Variants in NPAS3 observed in about 807,000 individuals in gnomAD.
NPAS3 encodes neuronal PAS domain protein 3, also known as neuronal PAS domain-containing protein 3.
A neutral mutation model predicts 73.1 loss-of-function variants in NPAS3; 14 were observed. The ratio of observed to expected loss-of-function variants is 0.19; its 90% CI spans 0.13 to 0.30. The LOEUF (loss-of-function observed/expected upper bound fraction) is 0.30, where lower values mean the gene tolerates loss of function less well. Among genes scored for constraint, NPAS3 ranks in the 10% least tolerant of loss-of-function variants. The pLI, the probability that NPAS3 is intolerant of heterozygous loss-of-function variation, is 1.00. For synonymous variants in NPAS3, 620 were observed against 541.5 expected, an observed-to-expected ratio of 1.14 and a Z score of -2.01; for missense variants, 1,096 against 1,250.0, an observed-to-expected ratio of 0.88 and a Z score of 1.86.
intron 5 of NPAS3, among the ~76,000 whole-genome samples, chr14:33,652,893 TTTC>T (rs2059038478): frequency 9.0e-6 from 1 of 111,466 alleles, no homozygotes; most frequent in East Asian, 3.4e-4. Context: ...TTCACCCCCA[TTTC>T]TCACCCCCGT....
chr14:33,779,825 A>C (rs2062925403), intron 9 of NPAS3, among the ~76,000 whole-genome samples: 1 of 152,240 alleles, frequency 6.6e-6, no homozygotes, highest in African/African-American at 2.4e-5. Context: ...ATCATTAAAC[A>C]ACACACGGCT....
intron 2 of NPAS3, among the ~76,000 whole-genome samples, chr14:33,109,299 C>A (rs1473819466): frequency 1.3e-5 from 2 of 152,102 alleles, no homozygotes; most frequent in Non-Finnish European, 2.9e-5. Context: ...AGTTTTCTCA[C>A]CTGTAAAATG....
chr14:33,266,933 T>G (rs1037395315), intron 3 of NPAS3, among the ~76,000 whole-genome samples: 1 of 152,168 alleles, frequency 6.6e-6, no homozygotes, highest in African/African-American at 2.4e-5. Flanking sequence ...CCTTAAAAAA[T>G]TCTCTCTCAT....
intron 3 of NPAS3, among the ~76,000 whole-genome samples, chr14:33,242,669 A>T (rs2048249756): frequency 6.6e-6 from 1 of 152,024 alleles, no homozygotes; most frequent in African/African-American, 2.4e-5. Flanking sequence ...AGATTTGGGT[A>T]TTATTATTTT....
chr14:33,011,922 T>C (rs769346035), intron 1 of NPAS3, among the ~76,000 whole-genome samples: 7 of 152,174 alleles, frequency 4.6e-5, no homozygotes, highest in Non-Finnish European at 1.0e-4. Flanking sequence ...CTTTTTTTTA[T>C]ACCTCACAAA....
intron 3 of NPAS3, among the ~76,000 whole-genome samples, chr14:33,353,629 G>T (rs10483436): frequency 0.044 from 6,627 of 152,262 alleles, 465 homozygotes; most frequent in African/African-American, 0.15. Context: ...TAGCATATTG[G>T]TATCTTTGTA....
At chr14:33,743,286 A>G (rs999192986) in intron 7 of NPAS3, among the ~76,000 whole-genome samples, 10 of 152,228 alleles carry the variant, frequency 6.6e-5, no homozygotes, top group Non-Finnish European at 1.3e-4. Flanking sequence ...GGGTTGCAGT[A>G]TGGATATTGT....
intron 3 of NPAS3, among the ~76,000 whole-genome samples, chr14:33,301,586 A>G (rs745679774): frequency 4.6e-5 from 7 of 152,042 alleles, no homozygotes; most frequent in Non-Finnish European, 7.4e-5. Context: ...CTGGAATGTT[A>G]AAATGACATT....
At chr14:33,122,935 A>T (rs2043284196) in intron 2 of NPAS3, among the ~76,000 whole-genome samples, 1 of 152,140 alleles carries the variant, frequency 6.6e-6, no homozygotes, top group Non-Finnish European at 1.5e-5. Context: ...AAAGGTTTTC[A>T]GTTAAGTCGA....
At chr14:32,957,772 C>A (rs2036739014) in intron 1 of NPAS3, among the ~76,000 whole-genome samples, 1 of 152,188 alleles carries the variant, frequency 6.6e-6, no homozygotes, top group African/African-American at 2.4e-5. Context: ...CAGAGTTACT[C>A]CCTTATCCTT....
intron 4 of NPAS3, among the ~76,000 whole-genome samples, chr14:33,496,375 G>C (rs945713353): frequency 1.3e-5 from 2 of 151,978 alleles, no homozygotes; most frequent in Non-Finnish European, 2.9e-5. Flanking sequence ...TGATACCAAA[G>C]CCTGGCAGAG....
intron 3 of NPAS3, among the ~76,000 whole-genome samples, chr14:33,343,953 A>G (rs1046626992): frequency 6.6e-4 from 101 of 152,258 alleles, no homozygotes; most frequent in African/African-American, 2.3e-3. Context: ...TCCTTACCCA[A>G]TAGCTTTTAA....
rs2048266825 is a variant in NPAS3 at position 33,243,223 on chromosome 14, A to T, written c.385+27797A>T. Reference sequence around the variant, plus strand: ...AGGATAAAAATAAATGAATAACTTTATAATGGAAGCAGAAAAGCCTCATCA... The same window carrying T: ...AGGATAAAAATAAATGAATAACTTTTTAATGGAAGCAGAAAAGCCTCATCA... On this transcript the variant is annotated intron_variant, in intron 3 of 11. Transcript: ENST00000356141. 2.0e-5 allele frequency among the ~76,000 whole-genome samples: 3 copies of T among 152,188 alleles called. No homozygotes were observed. The South Asian group carries it at 6.2e-4, about 32-fold the overall frequency.
chr14:33,613,911 G>T (rs189479013), intron 5 of NPAS3, among the ~76,000 whole-genome samples: 3 of 152,208 alleles, frequency 2.0e-5, no homozygotes, highest in African/African-American at 7.2e-5. Flanking sequence ...GTAATTACCT[G>T]TGTGCTTCTC....
intron 2 of NPAS3, among the ~76,000 whole-genome samples, chr14:33,108,988 TGAA>T (rs969369399): frequency 2.6e-5 from 4 of 152,210 alleles, no homozygotes; most frequent in African/African-American, 7.2e-5. Context: ...TATGTGTTTG[TGAA>T]GAAGATTTTG....
At chr14:33,401,305 G>A (rs2138752254) in intron 4 of NPAS3, among the ~76,000 whole-genome samples, 1 of 152,236 alleles carries the variant, frequency 6.6e-6, no homozygotes, top group African/African-American at 2.4e-5. Context: ...TGTTACCCTG[G>A]CCAGATCACG....
rs371719470 is a variant in NPAS3, at chr14:33,387,583, G to T, written c.468+20315G>T. Among the ~76,000 whole-genome samples the T allele has an allele frequency of 6.6e-5, 10 of 152,150 alleles. No homozygotes were observed. The South Asian group carries it at 1.2e-3, about 19-fold the overall frequency. ...ACATCCAGATGTAGAAATTTAACAG[G>T]TAGGGGGCTGCCTGCACTTATCCTT... On this transcript the variant is annotated intron_variant, in intron 4 of 11. Transcript: ENST00000356141.
intron 2 of NPAS3, among the ~76,000 whole-genome samples, chr14:33,191,644 A>AT (rs2046175303): frequency 6.6e-6 from 1 of 152,180 alleles, no homozygotes. Context: ...GCTTGCTCTA[A>AT]TTTTCAGAAA....
At chr14:33,227,499 G>T (rs772314938) in intron 3 of NPAS3, among the ~76,000 whole-genome samples, 5 of 152,196 alleles carry the variant, frequency 3.3e-5, no homozygotes, top group Non-Finnish European at 5.9e-5. Flanking sequence ...CAGTCTGGAG[G>T]CTGGAAATCC....
Sources: gnomAD v4.1 joint callset for allele counts (sites outside exome capture counted in the v4.1 genomes callset) on GRCh38, gnomAD v4.1.1 for gene constraint, MANE v1.5 for transcripts, NCBI Gene and HGNC (gene_info 2026-07-23, HGNC 2026-07-21) for gene names.